Variants in SYNE1 observed in about 807,000 individuals in gnomAD.
The protein encoded by SYNE1 is nesprin-1.
A neutral mutation model predicts 1,111.0 loss-of-function variants in SYNE1; 616 were observed. The ratio of observed to expected loss-of-function variants is 0.55; its 90% CI spans 0.52 to 0.59. The LOEUF (loss-of-function observed/expected upper bound fraction) is 0.59. Ranked by LOEUF, SYNE1 falls within the 20% of genes least tolerant of loss-of-function variation. The pLI is 0.00. For synonymous variants in SYNE1, 3,855 were observed against 3,825.8 expected (o/e 1.01, Z -0.28); for missense variants, 10,006 against 10,417.0 (o/e 0.96, Z 1.72).
chr6:152,596,270 GTTTTT>G (rs35952199), intron 3 of SYNE1, among the ~76,000 whole-genome samples: 2 of 89,156 alleles, frequency 2.2e-5, no homozygotes, highest in East Asian at 4.3e-4. Flanking sequence ...TTGTTTGTTT[GTTTTT>G]TTTTTTTTTT....
intron 98 of SYNE1, among the ~76,000 whole-genome samples, chr6:152,276,878 CTTTTTTT>C (rs539497198): frequency 2.9e-5 from 3 of 102,162 alleles, no homozygotes; most frequent in African/African-American, 4.0e-5. Flanking sequence ...ACTCTGCACT[CTTTTTTT>C]TTTTTTTTTT....
chr6:152,176,851 AAAT>A (rs1423122262), intron 129 of SYNE1, among the ~76,000 whole-genome samples: 1 of 152,152 alleles, frequency 6.6e-6, no homozygotes, highest in African/African-American at 2.4e-5. Flanking sequence ...TAGATATAAA[AAAT>A]AAAACTTAAA....
chr6:152,279,603 C>T (rs113159316), intron 97 of SYNE1, among the ~76,000 whole-genome samples: 4,453 of 151,594 alleles, frequency 0.029, 241 homozygotes, highest in African/African-American at 0.1. Flanking sequence ...CTGTACTCCC[C>T]GCACTTGCGG....
chr6:152,486,365 T>G (rs1160971591), intron 12 of SYNE1, among the ~76,000 whole-genome samples: 1 of 152,214 alleles, frequency 6.6e-6, no homozygotes, highest in Non-Finnish European at 1.5e-5. Flanking sequence ...AATGTAAAGA[T>G]GAAATGAAAT....
chr6:152,394,075 T>C (rs556140046), intron 51 of SYNE1, among the ~76,000 whole-genome samples: 3 of 152,216 alleles, frequency 2.0e-5, no homozygotes, highest in South Asian at 4.1e-4. Context: ...GAACATGCGG[T>C]GTTTGGTTTT....
chr6:152,222,834 A>C (rs912857760), intron 117 of SYNE1, among the ~76,000 whole-genome samples: 2 of 152,254 alleles, frequency 1.3e-5, no homozygotes, highest in Admixed American at 6.5e-5. Flanking sequence ...GGAGACTATA[A>C]TTAATAATAA....
chr6:152,391,875 A>C (rs1336399647), intron 51 of SYNE1, among the ~76,000 whole-genome samples: 1 of 152,196 alleles, frequency 6.6e-6, no homozygotes. Context: ...AAATGGTCCC[A>C]GCTGCCTCTT....
chr6:152,313,504 C>G (rs1386431551), intron 87 of SYNE1, among the ~76,000 whole-genome samples: 1 of 148,100 alleles, frequency 6.8e-6, no homozygotes, highest in East Asian at 2.0e-4. Context: ...TGCTCTGTGG[C>G]CAGGCTGGAG....
intron 11 of SYNE1, among the ~76,000 whole-genome samples, chr6:152,492,690 C>G (rs2098977529): frequency 3.3e-5 from 5 of 152,236 alleles, no homozygotes; most frequent in Admixed American, 3.3e-4. Flanking sequence ...TGAAGACTGA[C>G]ACAGCCCAAT....
rs140830584 is a variant in SYNE1, at chr6:152,367,263, C to T, written c.9927G>A (p.Pro3309=). 2.7e-5 allele frequency: 44 copies of T among 1,614,190 alleles called. No individual in the cohort carries two copies. In the African/African-American group the frequency reaches 3.6e-4, roughly 13 times the overall value. The change falls in exon 62 of 146, where the codon CCG becomes CCA. Residue 3309 remains proline, a synonymous_variant. Transcript: ENST00000367255. ...AIHMLDSYCH[P]TSDKSVLDSR... is the part of the protein sequence containing the mutation. ...TGTCCAGCACACTTTTGTCGGATGT[C>T]GGGTGGCAGTATGAATCCAGCATGT...
chr6:152,279,004 A>G (rs921492755), intron 97 of SYNE1, among the ~76,000 whole-genome samples: 2 of 151,948 alleles, frequency 1.3e-5, no homozygotes, highest in Non-Finnish European at 2.9e-5. Flanking sequence ...TCCTGGGCTC[A>G]AACAATGCTC....
Position 152,586,487 on chromosome 6 carries a change from T to G in SYNE1, c.67+41778A>C, listed in dbSNP as rs143013382. Among the ~76,000 whole-genome samples the G allele has an allele frequency of 2.8e-3, 434 of 152,288 alleles. 3 individuals are homozygous for G. Among genetic ancestry groups the G allele is most frequent in the African/African-American group, 9.6e-3 (397 of 41,568 alleles). On this transcript the variant is annotated intron_variant, in intron 3 of 145. Coordinates refer to ENST00000367255, the MANE Select transcript of SYNE1 (RefSeq NM_182961.4). ...CAGTTAATTCCTTTATGTCTTCCAG[T>G]CATACATTGATAATATATGTAACTA...
chr6:152,363,657 A>G (rs2154073554), intron 63 of SYNE1: 1 of 436,090 alleles, frequency 2.3e-6, no homozygotes, highest in South Asian at 1.6e-5. Flanking sequence ...GGATCACACC[A>G]CTGCAGCACA....
At chr6:152,596,502 C>T (rs143557170) in intron 3 of SYNE1, among the ~76,000 whole-genome samples, 3,327 of 152,158 alleles carry the variant, frequency 0.022, 129 homozygotes, top group African/African-American at 0.076. Flanking sequence ...GTGATCCGCC[C>T]GCCTTGGCCT....
At chr6:152,244,793 T>A (rs2086690066) in intron 105 of SYNE1, 137 bp from the exon 106 acceptor site, 2 of 1,237,150 alleles carry the variant, frequency 1.6e-6, no homozygotes, top group African/African-American at 3.0e-5. Context: ...ATCATTTCAA[T>A]AAAACAAATC....
At chr6:152,283,437 T>G (rs1379583010) in intron 96 of SYNE1, among the ~76,000 whole-genome samples, 1 of 152,228 alleles carries the variant, frequency 6.6e-6, no homozygotes, top group Non-Finnish European at 1.5e-5. Flanking sequence ...ATTCTCAATA[T>G]TTCACGCCTG....
At chr6:152,381,416 C>T in intron 55 of SYNE1, 54 bp from the exon 56 acceptor site, 6 of 1,576,734 alleles carry the variant, frequency 3.8e-6, no homozygotes, top group Admixed American at 1.7e-5. Flanking sequence ...ACTTGGACTG[C>T]AAGTTTTCAA....
chr6:152,403,431 G>T (rs990861443), intron 46 of SYNE1, among the ~76,000 whole-genome samples: 1 of 152,062 alleles, frequency 6.6e-6, no homozygotes, highest in Non-Finnish European at 1.5e-5. Flanking sequence ...TCATAAGAAG[G>T]GTTTCTAGGC....
rs1207029393 is a variant in SYNE1 at position 152,483,165 on chromosome 6, C to G, written c.1270G>C (p.Ala424Pro). 2 of 1,614,172 alleles carry G rather than the reference C, an allele frequency of 1.2e-6. No individual in the cohort carries two copies. Among genetic ancestry groups the G allele is most frequent in the Admixed American group, 1.7e-5 (1 of 60,028 alleles). Residue 424 changes from alanine (A) to proline (P), a missense_variant, in exon 14 of 146, where the codon GCC (alanine) becomes CCC (proline). Around this residue, in one of 7 missense-constraint regions of SYNE1, gnomAD observed 1,971 missense variants for 2,084.1 expected, o/e 0.95. Transcript: ENST00000367255. ...IGAWLYRAEV[A>P]LREEITVQQV... ...TGAACGGTTATTTCCTCTCTCAGGG[C>G]CACCTCCGCTCTGTACAGCCAGGCA...
Sources: allele counts gnomAD v4.1 joint callset (sites outside exome capture counted in the v4.1 genomes callset), GRCh38; gene constraint gnomAD v4.1.1; regional missense constraint gnomAD v4.1.1; transcripts MANE v1.5; gene names NCBI Gene and HGNC (gene_info 2026-07-23, HGNC 2026-07-21).